The following ATP8A2 variants were observed in gnomAD, a reference collection of about 807,000 sequenced individuals.
ATP8A2 encodes phospholipid-transporting ATPase IB.
In ATP8A2, 100 loss-of-function variants were observed where a neutral mutation model predicts 165.6. The ratio of observed to expected loss-of-function variants is 0.60; its 90% CI spans 0.51 to 0.71. The LOEUF is 0.71. ATP8A2 is among the 30% of genes least tolerant of loss of function. The pLI, the probability that ATP8A2 is intolerant of heterozygous loss-of-function variation, is 0.00. For synonymous variants in ATP8A2, 543 were observed against 548.8 expected, an observed-to-expected ratio of 0.99 and a Z score of 0.15; for missense variants, 1,227 against 1,479.5, an observed-to-expected ratio of 0.83 and a Z score of 2.80.
chr13:25,540,417 T>C (rs761035131), intron 8 of ATP8A2, 29 bp downstream of exon 8: 1 of 1,498,306 alleles, frequency 6.7e-7, no homozygotes, highest in South Asian at 1.1e-5. Flanking sequence ...ACTTGTGTTG[T>C]TATGGTAGAC....
chr13:25,666,243 C>G (rs914652146), intron 24 of ATP8A2, among the ~76,000 whole-genome samples: 1 of 151,924 alleles, frequency 6.6e-6, no homozygotes, highest in East Asian at 1.9e-4. Context: ...CCTAGTCTTG[C>G]TCTGTCACCC....
intron 25 of ATP8A2, among the ~76,000 whole-genome samples, chr13:25,753,910 C>T (rs2138209095): frequency 6.6e-6 from 1 of 152,272 alleles, no homozygotes; most frequent in Admixed American, 6.5e-5. Context: ...GTGTATTAAG[C>T]CAACATCCAT....
At chr13:25,496,922 G>T in intron 2 of ATP8A2, among the ~76,000 whole-genome samples, 1 of 152,106 alleles carries the variant, frequency 6.6e-6, no homozygotes, top group East Asian at 1.9e-4. Context: ...TGTTAATTCA[G>T]CCCTTTGGAT....
At chr13:26,009,756 T>G (rs1470340835) in intron 35 of ATP8A2, among the ~76,000 whole-genome samples, 1 of 152,052 alleles carries the variant, frequency 6.6e-6, no homozygotes, top group Non-Finnish European at 1.5e-5. Context: ...AAGCAAGAAG[T>G]CACATTTTTA....
At chr13:26,016,243 C>T (rs1956970528) in intron 36 of ATP8A2, among the ~76,000 whole-genome samples, 1 of 152,176 alleles carries the variant, frequency 6.6e-6, no homozygotes, top group Non-Finnish European at 1.5e-5. Flanking sequence ...GTAGGTGCAG[C>T]CAATGGGAAC....
At chr13:25,584,186 G>A (rs73483664) in intron 23 of ATP8A2, among the ~76,000 whole-genome samples, 5,861 of 152,254 alleles carry the variant, frequency 0.038, 352 homozygotes, top group African/African-American at 0.13. Context: ...GTCGTCTTGT[G>A]ATTTAAAGTA....
At chr13:25,987,558 A>G (rs1290431060) in intron 35 of ATP8A2, among the ~76,000 whole-genome samples, 1 of 152,188 alleles carries the variant, frequency 6.6e-6, no homozygotes, top group Non-Finnish European at 1.5e-5. Context: ...CAAAGTCAGC[A>G]TGCTGTTGCC....
intron 4 of ATP8A2, among the ~76,000 whole-genome samples, chr13:25,530,997 G>C (rs537895876): frequency 6.6e-6 from 1 of 151,714 alleles, no homozygotes; most frequent in African/African-American, 2.4e-5. Context: ...GCATTGTCTC[G>C]CTCTGCCTGA....
chr13:25,882,590 G>A (rs1404324250), intron 33 of ATP8A2, among the ~76,000 whole-genome samples: 1 of 152,134 alleles, frequency 6.6e-6, no homozygotes, highest in African/African-American at 2.4e-5. Flanking sequence ...GGCTCACAGT[G>A]TGTTCATTCA....
At chr13:25,987,436 AC>A (rs1956297201) in intron 35 of ATP8A2, among the ~76,000 whole-genome samples, 1 of 152,220 alleles carries the variant, frequency 6.6e-6, no homozygotes, top group Non-Finnish European at 1.5e-5. Context: ...CAGCTGTTCC[AC>A]CTGGAAGATG....
intron 13 of ATP8A2, among the ~76,000 whole-genome samples, chr13:25,555,359 T>C (rs2038950155): frequency 6.6e-6 from 1 of 152,148 alleles, no homozygotes; most frequent in South Asian, 2.1e-4. Context: ...AAAAAAGTGT[T>C]ATCAGAAGCA....
chr13:25,774,661 C>G (rs540610331), intron 26 of ATP8A2, among the ~76,000 whole-genome samples, 188 bp from the exon 27 acceptor site: 100 of 152,264 alleles, frequency 6.6e-4, no homozygotes, highest in African/African-American at 2.3e-3. Flanking sequence ...AATGTAGTTT[C>G]AAGAAGGATT....
chr13:25,867,311 C>T (rs2138788310), intron 33 of ATP8A2, among the ~76,000 whole-genome samples: 1 of 152,170 alleles, frequency 6.6e-6, no homozygotes, highest in South Asian at 2.1e-4. Context: ...CAATTGTCTC[C>T]CCTGGATTTG....
At chr13:25,468,938 C>A in intron 1 of ATP8A2, 39 bp from the exon 2 acceptor site, 1 of 1,604,220 alleles carries the variant, frequency 6.2e-7, no homozygotes, top group Non-Finnish European at 8.5e-7. Flanking sequence ...CGGTTGACTT[C>A]TTTGTGTCGT....
At chr13:25,753,533 C>T (rs2044198761) in intron 25 of ATP8A2, among the ~76,000 whole-genome samples, 1 of 152,208 alleles carries the variant, frequency 6.6e-6, no homozygotes, top group African/African-American at 2.4e-5. Flanking sequence ...CAGCTCCATG[C>T]CAGCTATTGA....
intron 24 of ATP8A2, among the ~76,000 whole-genome samples, chr13:25,613,513 G>A (rs1269681639): frequency 6.6e-6 from 1 of 152,124 alleles, no homozygotes; most frequent in Non-Finnish European, 1.5e-5. Context: ...GGTGGAGGTT[G>A]CCATGAGCCA....
Position 25,372,271 on chromosome 13 carries a change from G to C in ATP8A2, c.59G>C (p.Arg20Thr), listed in dbSNP as rs1332215213. 1 of 1,477,354 alleles carries C rather than the reference G, an allele frequency of 6.8e-7. No homozygotes were observed. The highest frequency in any genetic ancestry group is 9.0e-7 in the Non-Finnish European group (1 of 1,111,112). The allele number at this position is 1,477,354 out of a possible 1,614,324, so 91.5% of individuals were successfully genotyped here. Reference sequence around the variant, plus strand: ...AAGATGTCCCTGCCGCGGAGGTCGAGGATCCGCTCGTCCGTGGGTGAGCTG... The same window carrying C: ...AAGATGTCCCTGCCGCGGAGGTCGACGATCCGCTCGTCCGTGGGTGAGCTG... ...ALKMSLPRRSRIRSSVGPVRS... is the reference protein window; with the variant it reads ...ALKMSLPRRSTIRSSVGPVRS... The change falls in exon 1 of 37, where the codon AGG becomes ACG. Residue 20 changes from arginine to threonine, a missense_variant. Physicochemically the swap from Arg to Thr is moderately conservative, Grantham distance 71 (BLOSUM62 -1). This residue lies in a region of ATP8A2 where 356 missense variants were observed against 394.9 expected (regional missense o/e 0.90). Transcript: ENST00000381655. The surrounding 1 kb of genome is among the most constrained non-coding windows in gnomAD (Gnocchi z 4.8).
intron 24 of ATP8A2, among the ~76,000 whole-genome samples, chr13:25,603,267 C>T (rs1412353601): frequency 2.0e-5 from 3 of 151,836 alleles, no homozygotes; most frequent in Non-Finnish European, 2.9e-5. Flanking sequence ...GTGGTTGGGT[C>T]GCTTGAGCCC....
intron 6 of ATP8A2, chr13:25,534,089 T>C: frequency 2.1e-6 from 1 of 473,788 alleles, no homozygotes. Context: ...TGTTTTTAAA[T>C]GCCTCTTACA....
Sources: allele counts gnomAD v4.1 joint callset (sites outside exome capture counted in the v4.1 genomes callset), GRCh38; gene constraint gnomAD v4.1.1; regional missense constraint gnomAD v4.1.1; non-coding constraint Gnocchi (gnomAD v3.1); transcripts MANE v1.5; gene names NCBI Gene and HGNC (gene_info 2026-07-23, HGNC 2026-07-21).